COL4A3: variants seen among roughly 807,000 people sequenced by gnomAD.
COL4A3 encodes collagen alpha-3(IV) chain.
A neutral mutation model predicts 217.4 loss-of-function variants in COL4A3; 135 were observed. That is an observed-to-expected ratio of 0.62 (90% CI 0.54 to 0.72). The LOEUF is 0.72. Among genes scored for constraint, COL4A3 ranks in the 30% least tolerant of loss-of-function variants. The pLI, the probability that COL4A3 is intolerant of heterozygous loss-of-function variation, is 0.00. For missense variants in COL4A3, 1,868 were observed against 2,119.9 expected, an observed-to-expected ratio of 0.88 and a Z score of 2.33; for synonymous variants, 690 against 736.3, an observed-to-expected ratio of 0.94 and a Z score of 1.02.
intron 46 of COL4A3, 111 bp downstream of exon 46, chr2:227,304,255 T>C (rs2073410131): frequency 7.0e-7 from 1 of 1,424,100 alleles, no homozygotes; most frequent in Admixed American, 1.8e-5. Context: ...TTGAACATGA[T>C]AGTGGTTTTC....
intron 1 of COL4A3, among the ~76,000 whole-genome samples, chr2:227,184,362 A>G (rs1208190672): frequency 6.6e-6 from 1 of 152,204 alleles, no homozygotes; most frequent in Non-Finnish European, 1.5e-5. Context: ...CAGACATATG[A>G]GTGTCAGCCC....
At chr2:227,214,515 A>G (rs1339829530) in intron 1 of COL4A3, among the ~76,000 whole-genome samples, 1 of 152,204 alleles carries the variant, frequency 6.6e-6, no homozygotes. Context: ...AACCTTTTCT[A>G]TATTTCTTGC....
At chr2:227,188,111 A>C (rs1037982086) in intron 1 of COL4A3, among the ~76,000 whole-genome samples, 1 of 151,872 alleles carries the variant, frequency 6.6e-6, no homozygotes, top group Non-Finnish European at 1.5e-5. Context: ...AATGTTAGTA[A>C]CTCCAGATAT....
In COL4A3 at chr2:227,310,915, G is replaced by A. The variant is rs1574844832; in HGVS notation, c.4895G>A (p.Trp1632Ter). 1 of 1,613,984 alleles carries A rather than the reference G, an allele frequency of 6.2e-7. No homozygotes were observed. The highest frequency in any genetic ancestry group is 8.5e-7 in the Non-Finnish European group (1 of 1,180,002). ...CNYYSNSYSF[W>*]LASLNPERMF... ...TACTATTCAAATTCCTACAGTTTCTGGCTGGCTTCATTAAACCCAGAAAGA... is the reference window on the plus strand; with the variant it reads ...TACTATTCAAATTCCTACAGTTTCTAGCTGGCTTCATTAAACCCAGAAAGA... Residue 1632 changes from tryptophan (W) to a stop codon, truncating the protein, a stop_gained, in exon 51 of 52, where the codon TGG becomes TAG. Coordinates refer to ENST00000396578, the MANE Select transcript of COL4A3 (RefSeq NM_000091.5). LOFTEE classifies it high-confidence loss of function.
intron 27 of COL4A3, among the ~76,000 whole-genome samples, chr2:227,277,183 G>C (rs1232412440): frequency 6.6e-6 from 1 of 152,090 alleles, no homozygotes; most frequent in Non-Finnish European, 1.5e-5. Flanking sequence ...GCCGGGCGTG[G>C]TGGCGGGCAC....
intron 29 of COL4A3, 82 bp from the exon 30 acceptor site, chr2:227,280,358 C>T: frequency 6.6e-7 from 1 of 1,522,646 alleles, no homozygotes; most frequent in East Asian, 2.3e-5. Context: ...GCAACAGGGA[C>T]TTAGAGCCTC....
intron 45 of COL4A3, 24 bp from the exon 46 acceptor site, chr2:227,303,992 ATCT>A (rs1295636260): frequency 5.6e-6 from 9 of 1,614,108 alleles, no homozygotes; most frequent in Middle Eastern, 1.6e-4. Context: ...TGAGGCCATC[ATCT>A]TCTTCTTATG....
chr2:227,256,280 G>A lies in COL4A3; in HGVS notation c.934-63G>A, dbSNP rs994677182. ...TTTCAGAGGAGTTCAAATTGCACCT[G>A]CTCCCCCAGAAGAAGTTGGCTCCTG... On this transcript the variant is annotated intron_variant, in intron 16 of 51. Transcript: ENST00000396578. 5 of 1,459,706 alleles carry A rather than the reference G, an allele frequency of 3.4e-6. No individual in the cohort carries two copies. In the African/African-American group the frequency reaches 5.6e-5, roughly 16 times the overall value. 90.4% of individuals were successfully genotyped at this position (1,459,706 alleles called of 1,614,324 possible).
chr2:227,308,755 A>G lies in COL4A3; in HGVS notation c.4463-144A>G, dbSNP rs2073617548. The G allele has an allele frequency of 3.6e-6, 3 of 839,204 alleles. No homozygotes were observed. The South Asian group carries it at 4.4e-5, about 12-fold the overall frequency. 52.0% of individuals were successfully genotyped at this position (839,204 alleles called of 1,614,324 possible). ...TTTCTATCAGTATGAAAACTTTTCA[A>G]TACTACATTTTGCAGATAACTCTTT... On this transcript the variant is annotated intron_variant, in intron 48 of 51. Coordinates refer to ENST00000396578, the MANE Select transcript of COL4A3 (RefSeq NM_000091.5).
At chr2:227,245,660 C>T in intron 5 of COL4A3, 1 of 468,428 alleles carries the variant, frequency 2.1e-6, no homozygotes, top group Non-Finnish European at 3.9e-6. Flanking sequence ...TTCTTTTTCC[C>T]TTCCTTTCTC....
intron 19 of COL4A3, among the ~76,000 whole-genome samples, 188 bp from the exon 20 acceptor site, chr2:227,260,894 A>G (rs971390253): frequency 3.3e-5 from 5 of 152,220 alleles, no homozygotes; most frequent in African/African-American, 1.2e-4. Context: ...TGAGTGTTAG[A>G]CTTCCAAGAT....
intron 1 of COL4A3, among the ~76,000 whole-genome samples, chr2:227,166,190 T>G (rs1370949167): frequency 6.6e-6 from 1 of 152,278 alleles, no homozygotes; most frequent in East Asian, 1.9e-4. Flanking sequence ...TTTCACATTC[T>G]AAAGGACATT....
intron 9 of COL4A3, among the ~76,000 whole-genome samples, chr2:227,249,230 A>ATATATATATATATATTTTTTTTTTTTTTT: frequency 6.8e-5 from 1 of 14,692 alleles, no homozygotes. Flanking sequence ...ATATATATAT[A>ATATATATATATATATTTTTTTTTTTTTTT]TTTTTTTTTT....
At position 227,251,323 on chromosome 2, in the gene COL4A3, T is replaced by C; in HGVS notation, c.610-13T>C. On this transcript the variant is annotated splice_polypyrimidine_tract_variant and intron_variant, in intron 10 of 51. Coordinates refer to ENST00000396578, the MANE Select transcript of COL4A3 (RefSeq NM_000091.5). ...CATTTCCTGCTGTGATTTTCATTTG[T>C]GGATTTTTCTAGGGCTTTCCAGGAG... 6.2e-7 allele frequency: 1 copy of C among 1,613,140 alleles called. No homozygotes were observed. The highest frequency in any genetic ancestry group is 1.1e-5 in the South Asian group (1 of 91,020).
chr2:227,228,239 C>T (rs2068206145), intron 1 of COL4A3, among the ~76,000 whole-genome samples: 1 of 152,216 alleles, frequency 6.6e-6, no homozygotes, highest in Admixed American at 6.5e-5. Flanking sequence ...GGGCATCCCG[C>T]AAAGCAGTCC....
intron 19 of COL4A3, 37 bp from the exon 20 acceptor site, chr2:227,261,045 T>C (rs545094834): frequency 2.5e-6 from 4 of 1,572,606 alleles, no homozygotes; most frequent in South Asian, 1.1e-5. Context: ...AGCATTTATA[T>C]CTTTCTAAGC....
intron 31 of COL4A3, chr2:227,281,629 C>A (rs531544323): frequency 4.6e-5 from 7 of 152,796 alleles, no homozygotes; most frequent in Middle Eastern, 3.4e-3. Flanking sequence ...TATATGTTCA[C>A]AAATAAATTT....
chr2:227,283,321 GCTA>G (rs1216013267), intron 32 of COL4A3, among the ~76,000 whole-genome samples: 1 of 152,142 alleles, frequency 6.6e-6, no homozygotes, highest in African/African-American at 2.4e-5. Flanking sequence ...ATGTTATTGG[GCTA>G]CTATCACATG....
intron 1 of COL4A3, among the ~76,000 whole-genome samples, chr2:227,226,950 T>G (rs1312131643): frequency 6.6e-6 from 1 of 152,150 alleles, no homozygotes; most frequent in Non-Finnish European, 1.5e-5. Flanking sequence ...AGAGAGAAAA[T>G]AAATATCCAC....
Sources: allele counts gnomAD v4.1 joint callset (sites outside exome capture counted in the v4.1 genomes callset), GRCh38; gene constraint gnomAD v4.1.1; transcripts MANE v1.5; gene names NCBI Gene and HGNC (gene_info 2026-07-23, HGNC 2026-07-21).